SCFD2: variants seen among roughly 807,000 people sequenced by gnomAD.
The protein encoded by SCFD2 is sec1 family domain containing 2.
In SCFD2, 54 loss-of-function variants were observed where a neutral mutation model predicts 58.9. That is an observed-to-expected ratio of 0.92 (90% CI 0.74 to 1.15). The LOEUF (loss-of-function observed/expected upper bound fraction) is 1.15. Among genes scored for constraint, SCFD2 ranks in the 50% most tolerant of loss-of-function variants. SCFD2 has a pLI of 0.00. For synonymous variants in SCFD2, 321 were observed against 335.9 expected (o/e 0.96, Z 0.49); for missense variants, 805 against 836.6 (o/e 0.96, Z 0.47).
chr4:53,312,933 T>C (rs1372405807), intron 3 of SCFD2, among the ~76,000 whole-genome samples: 1 of 152,108 alleles, frequency 6.6e-6, no homozygotes, highest in Non-Finnish European at 1.5e-5. Context: ...AATTATTTAA[T>C]ATTTTTTAAA....
At chr4:53,227,411 T>C (rs1729253415) in intron 4 of SCFD2, among the ~76,000 whole-genome samples, 1 of 152,172 alleles carries the variant, frequency 6.6e-6, no homozygotes, top group Admixed American at 6.5e-5. Flanking sequence ...TAAACCCATA[T>C]AAGCCATCTA....
At chr4:52,935,752 T>C (rs935653947) in intron 5 of SCFD2, among the ~76,000 whole-genome samples, 4 of 152,224 alleles carry the variant, frequency 2.6e-5, no homozygotes, top group African/African-American at 9.6e-5. Flanking sequence ...CCTCAGACTT[T>C]GGGGTAGGTT....
At chr4:53,209,716 G>A (rs553831553) in intron 4 of SCFD2, among the ~76,000 whole-genome samples, 1 of 151,710 alleles carries the variant, frequency 6.6e-6, no homozygotes, top group East Asian at 1.9e-4. Context: ...ACATACCAGT[G>A]TTCTTACAGT....
chr4:53,191,648 A>G (rs1280922342), intron 4 of SCFD2, among the ~76,000 whole-genome samples: 1 of 152,026 alleles, frequency 6.6e-6, no homozygotes, highest in Non-Finnish European at 1.5e-5. Context: ...CTCGTGATCC[A>G]CCTGCCTCGG....
intron 5 of SCFD2, among the ~76,000 whole-genome samples, chr4:53,144,452 G>A (rs1314308180): frequency 6.8e-6 from 1 of 147,618 alleles, no homozygotes; most frequent in African/African-American, 2.5e-5. Flanking sequence ...TACACATACA[G>A]ATATATATAC....
At chr4:53,004,771 T>C (rs1219023695) in intron 5 of SCFD2, among the ~76,000 whole-genome samples, 1 of 152,140 alleles carries the variant, frequency 6.6e-6, no homozygotes, top group Non-Finnish European at 1.5e-5. Flanking sequence ...TGAAGACAGA[T>C]GGTGCACCAC....
intron 4 of SCFD2, among the ~76,000 whole-genome samples, chr4:53,219,270 T>A (rs1284736156): frequency 6.6e-6 from 1 of 152,220 alleles, no homozygotes; most frequent in Non-Finnish European, 1.5e-5. Context: ...CTCCTTGAGC[T>A]GCCGTTGGCT....
At chr4:53,193,508 G>A (rs1382760162) in intron 4 of SCFD2, among the ~76,000 whole-genome samples, 1 of 152,046 alleles carries the variant, frequency 6.6e-6, no homozygotes, top group African/African-American at 2.4e-5. Context: ...AATCAAAATG[G>A]TCCACAGGTC....
intron 3 of SCFD2, among the ~76,000 whole-genome samples, chr4:53,293,191 T>A (rs1413002119): frequency 1.3e-5 from 2 of 151,882 alleles, no homozygotes; most frequent in African/African-American, 4.8e-5. Flanking sequence ...TCCTCAGCAA[T>A]CTAATGCAGG....
At chr4:53,033,589 A>G (rs568108026) in intron 5 of SCFD2, among the ~76,000 whole-genome samples, 2,247 of 152,282 alleles carry the variant, frequency 0.015, 54 homozygotes, top group African/African-American at 0.051. Flanking sequence ...AATAAAGAAG[A>G]AAAGAGAGAA....
At chr4:53,244,754 C>T (rs1421687306) in intron 4 of SCFD2, among the ~76,000 whole-genome samples, 1 of 151,168 alleles carries the variant, frequency 6.6e-6, no homozygotes, top group Non-Finnish European at 1.5e-5. Context: ...CAGAGCTGCA[C>T]TGAAGGAGAC....
intron 5 of SCFD2, among the ~76,000 whole-genome samples, chr4:53,139,017 C>G (rs1483438234): frequency 6.6e-6 from 1 of 152,146 alleles, no homozygotes. Flanking sequence ...ATTGCAGGTG[C>G]GCGCCGCCAC....
chr4:53,052,593 G>T (rs1040033469), intron 5 of SCFD2, among the ~76,000 whole-genome samples: 1 of 152,176 alleles, frequency 6.6e-6, no homozygotes, highest in Non-Finnish European at 1.5e-5. Context: ...GCTACTGACA[G>T]ATCCTTGATC....
At chr4:53,124,697 AC>A (rs1725574993) in intron 5 of SCFD2, among the ~76,000 whole-genome samples, 1 of 152,340 alleles carries the variant, frequency 6.6e-6, no homozygotes, top group Admixed American at 6.5e-5. Flanking sequence ...CCAGGTCTAG[AC>A]CCCAAAGGAT....
At chr4:53,098,075 C>T (rs1447433561) in intron 5 of SCFD2, among the ~76,000 whole-genome samples, 1 of 152,184 alleles carries the variant, frequency 6.6e-6, no homozygotes, top group African/African-American at 2.4e-5. Flanking sequence ...CCCACTTGAT[C>T]ATGGTGGATA....
At position 53,351,363 on chromosome 4, in the gene SCFD2, T is replaced by C. The variant is rs371414035; in HGVS notation, c.1007+1235A>G. Among the ~76,000 whole-genome samples the C allele has an allele frequency of 5.9e-4, 90 of 152,306 alleles. 5 individuals carry two copies. The South Asian group carries it at 0.016, about 27-fold the overall frequency. On this transcript the variant is annotated intron_variant, in intron 2 of 8. Coordinates refer to ENST00000401642, the MANE Select transcript of SCFD2 (RefSeq NM_152540.4). ...AAAGCAGTGCCACTTCCTCAAGGTC[T>C]ACATTGATCTACAAAGACTACATTA...
At chr4:53,260,303 T>C (rs1190790057) in intron 4 of SCFD2, among the ~76,000 whole-genome samples, 2 of 152,170 alleles carry the variant, frequency 1.3e-5, no homozygotes, top group Non-Finnish European at 1.5e-5. Flanking sequence ...CCTTGTCTTG[T>C]TCCAGTTCTC....
At chr4:53,002,560 C>T (rs1721886815) in intron 5 of SCFD2, among the ~76,000 whole-genome samples, 1 of 152,160 alleles carries the variant, frequency 6.6e-6, no homozygotes, top group South Asian at 2.1e-4. Context: ...GCATTGGTTT[C>T]AACTCAACTA....
chr4:53,147,706 C>T (rs1202643479), intron 4 of SCFD2, among the ~76,000 whole-genome samples: 3 of 152,172 alleles, frequency 2.0e-5, no homozygotes, highest in Non-Finnish European at 4.4e-5. Flanking sequence ...CTTTTGGCTT[C>T]CCTAGGCCAC....
Sources: gnomAD v4.1 joint callset for allele counts (sites outside exome capture counted in the v4.1 genomes callset) on GRCh38, gnomAD v4.1.1 for gene constraint, MANE v1.5 for transcripts, NCBI Gene and HGNC (gene_info 2026-07-23, HGNC 2026-07-21) for gene names.